SLC12A7: variants seen among roughly 807,000 people sequenced by gnomAD.
SLC12A7 encodes solute carrier family 12 member 7, also known as K-Cl cotransporter 4.
SLC12A7 carries 100 observed loss-of-function variants against 120.6 expected under a neutral mutation model. The ratio of observed to expected loss-of-function variants is 0.83; its 90% confidence interval spans 0.71 to 0.98. The LOEUF is 0.98. SLC12A7 is among the 50% of genes least tolerant of loss of function. The probability of loss-of-function intolerance (pLI) is 0.00; values close to 1 mark genes in which losing one functional copy is unlikely to be tolerated. For missense variants in SLC12A7, 1,373 were observed against 1,548.1 expected (o/e 0.89, Z 1.90); for synonymous variants, 760 against 678.0 (o/e 1.12, Z -1.88).
At chr5:1,142,544 C>G in the SLC12A7 span, among the ~76,000 whole-genome samples, 3 of 119,284 alleles carry the variant, frequency 2.5e-5, no homozygotes, top group Non-Finnish European at 5.1e-5. Flanking sequence ...CTCTGCTTCT[C>G]TGTGTGTGTC....
In SLC12A7 at chr5:1,056,752, G is replaced by C. The variant is rs113802619; in HGVS notation, c.3026+719C>G. On this transcript the variant is annotated intron_variant, in intron 22 of 23. Coordinates refer to ENST00000264930, the MANE Select transcript of SLC12A7 (RefSeq NM_006598.3). ...TCCTGAGAACCTGGCTTTAGGGTCTGGCTCTGACCCCGGGTGAGAGGTGTC... is the reference window on the plus strand; with the variant it reads ...TCCTGAGAACCTGGCTTTAGGGTCTCGCTCTGACCCCGGGTGAGAGGTGTC... Among the ~76,000 whole-genome samples, 263 of 152,316 alleles carry C rather than the reference G, an allele frequency of 1.7e-3. 2 individuals carry two copies. Among genetic ancestry groups the C allele is most frequent in the African/African-American group, 6.0e-3 (249 of 41,570 alleles).
intron 20 of SLC12A7, 150 bp from the exon 21 acceptor site, chr5:1,060,601 C>G: frequency 1.6e-6 from 1 of 635,890 alleles, no homozygotes; most frequent in Non-Finnish European, 2.8e-6. Context: ...GCTCTCAGGC[C>G]CCCCGCCCAG....
intron 8 of SLC12A7, among the ~76,000 whole-genome samples, chr5:1,082,282 G>A (rs1432191034): frequency 1.6e-4 from 22 of 138,526 alleles, no homozygotes; most frequent in African/African-American, 5.6e-4. Flanking sequence ...GGGCTTCCCC[G>A]TCTCGGGTTC....
intron 1 of SLC12A7, among the ~76,000 whole-genome samples, chr5:1,099,890 T>C (rs547589331): frequency 7.9e-5 from 12 of 151,746 alleles, no homozygotes; most frequent in Admixed American, 2.0e-4. Context: ...GGGGCAGGAG[T>C]GCGCAGGGGA....
At chr5:1,137,958 G>T in the SLC12A7 span, among the ~76,000 whole-genome samples, 1 of 152,194 alleles carries the variant, frequency 6.6e-6, no homozygotes, top group Non-Finnish European at 1.5e-5. Context: ...CTCTTGCCGG[G>T]CTGGTTCCTG....
chr5:1,115,327 C>T (rs144596760), upstream of SLC12A7, among the ~76,000 whole-genome samples: 6 of 152,328 alleles, frequency 3.9e-5, no homozygotes, highest in Non-Finnish European at 7.3e-5. Flanking sequence ...TGGATTAGGA[C>T]GGACACCCAA....
At chr5:1,054,049 C>T (rs966306097) in intron 22 of SLC12A7, among the ~76,000 whole-genome samples, 4 of 152,250 alleles carry the variant, frequency 2.6e-5, no homozygotes, top group Admixed American at 2.0e-4. Flanking sequence ...CCTGTGCAGC[C>T]GTTGCTGCTG....
chr5:1,114,469 T>G (rs551402296), upstream of SLC12A7, among the ~76,000 whole-genome samples: 1 of 152,228 alleles, frequency 6.6e-6, no homozygotes, highest in Non-Finnish European at 1.5e-5. Context: ...AGGGGTCTGG[T>G]GGCCCCTCCC....
chr5:1,093,660 G>C lies in SLC12A7; in HGVS notation c.220-5C>G, dbSNP rs370522461. On this transcript the variant is annotated splice_polypyrimidine_tract_variant and splice_region_variant and intron_variant, in intron 2 of 23. Transcript: ENST00000264930. ...GGGGTTACTGTCCATCTCCTCCTGCGCGGCGTGGACATGGTCACAGGCGGC... is the reference window on the plus strand; with the variant it reads ...GGGGTTACTGTCCATCTCCTCCTGCCCGGCGTGGACATGGTCACAGGCGGC... 6.8e-6 allele frequency: 11 copies of C among 1,612,642 alleles called. No individual in the cohort carries two copies. In the African/African-American group the frequency reaches 1.5e-4, roughly 22 times the overall value.
At chr5:1,128,418 G>C in the SLC12A7 span, among the ~76,000 whole-genome samples, 1 of 152,242 alleles carries the variant, frequency 6.6e-6, no homozygotes, top group Non-Finnish European at 1.5e-5. Context: ...GAGGCAGGAT[G>C]GGACATCTCA....
chr5:1,081,269 G>A (rs2150847186), intron 9 of SLC12A7, among the ~76,000 whole-genome samples: 1 of 151,154 alleles, frequency 6.6e-6, no homozygotes, highest in East Asian at 1.9e-4. Context: ...AGACCAGCCT[G>A]AGCAACGTGG....
the SLC12A7 span, among the ~76,000 whole-genome samples, chr5:1,117,258 C>A: frequency 6.6e-6 from 1 of 152,090 alleles, no homozygotes; most frequent in Non-Finnish European, 1.5e-5. The surrounding 1 kb of genome is among the most constrained non-coding windows in gnomAD (Gnocchi z 4.5). Context: ...GGGTTCCTAC[C>A]AGCCCGAGAT....
At chr5:1,085,543 C>G in intron 6 of SLC12A7, 70 bp from the exon 7 acceptor site, 2 of 1,494,086 alleles carry the variant, frequency 1.3e-6, no homozygotes, top group Non-Finnish European at 1.8e-6. Flanking sequence ...CTCCCGCAAG[C>G]CCCCAGCGCC....
chr5:1,124,791 G>A, the SLC12A7 span, among the ~76,000 whole-genome samples: 4 of 152,152 alleles, frequency 2.6e-5, no homozygotes, highest in Non-Finnish European at 4.4e-5. Context: ...AGAAAACGGA[G>A]TAATAAAAAA....
chr5:1,057,237 T>A (rs1434805865), intron 22 of SLC12A7: 4 of 500,038 alleles, frequency 8.0e-6, no homozygotes, highest in Non-Finnish European at 1.4e-5. Context: ...ACTCCCGGCC[T>A]TGGCACTAGA....
chr5:1,099,957 C>T (rs567457232), intron 1 of SLC12A7, among the ~76,000 whole-genome samples: 4 of 152,134 alleles, frequency 2.6e-5, no homozygotes, highest in East Asian at 1.9e-4. Context: ...GGCGCATGAC[C>T]GTTACTGTTA....
intron 1 of SLC12A7, among the ~76,000 whole-genome samples, chr5:1,110,456 T>C (rs1335508670): frequency 6.6e-6 from 1 of 152,078 alleles, no homozygotes; most frequent in African/African-American, 2.4e-5. Flanking sequence ...GCCTTGAGAG[T>C]AGAAGAGACA....
the SLC12A7 span, among the ~76,000 whole-genome samples, chr5:1,139,600 G>A: frequency 6.6e-6 from 1 of 152,246 alleles, no homozygotes; most frequent in East Asian, 1.9e-4. Context: ...GCGGGTGTGG[G>A]TGCCGGGAAA....
the SLC12A7 span, among the ~76,000 whole-genome samples, chr5:1,136,804 C>T: frequency 7.4e-5 from 9 of 121,766 alleles, no homozygotes; most frequent in Middle Eastern, 5.9e-3. Flanking sequence ...CAGGCACACA[C>T]GTGCTCAGAC....
Sources: gnomAD v4.1 joint callset for allele counts (sites outside exome capture counted in the v4.1 genomes callset) on GRCh38, gnomAD v4.1.1 for gene constraint, Gnocchi (gnomAD v3.1) non-coding constraint, MANE v1.5 for transcripts, NCBI Gene and HGNC (gene_info 2026-07-23, HGNC 2026-07-21) for gene names.